UNC13A: variants seen among roughly 807,000 people sequenced by gnomAD.
UNC13A encodes unc-13 homolog A, also known as protein unc-13 homolog A.
A neutral mutation model predicts 219.7 loss-of-function variants in UNC13A; 61 were observed. The observed-to-expected ratio is 0.28, with a 90% confidence interval of 0.23 to 0.34. UNC13A has a LOEUF of 0.34. Ranked by LOEUF, UNC13A falls within the 10% of genes least tolerant of loss-of-function variation. The pLI, the probability that UNC13A is intolerant of heterozygous loss-of-function variation, is 1.00. For synonymous variants in UNC13A, 920 were observed against 884.6 expected (o/e 1.04, Z -0.71); for missense variants, 1,476 against 2,270.3 (o/e 0.65, Z 7.11).
chr19:17,658,320 T>C, intron 8 of UNC13A, 51 bp from the exon 9 acceptor site: 1 of 1,537,626 alleles, frequency 6.5e-7, no homozygotes, highest in Non-Finnish European at 8.9e-7. Context: ...AGAGTGCACA[T>C]GATGGGAGCC....
intron 41 of UNC13A, chr19:17,616,576 G>C: frequency 1.9e-6 from 1 of 529,596 alleles, no homozygotes; most frequent in South Asian, 2.4e-5. Context: ...GGGCAGGGGA[G>C]GCGCGGAGAG....
intron 37 of UNC13A, 105 bp downstream of exon 37, chr19:17,621,727 C>A: frequency 8.2e-7 from 1 of 1,216,600 alleles, no homozygotes; most frequent in Non-Finnish European, 1.2e-6. Context: ...CTCCTACCCA[C>A]GACCCCCAGC....
intron 36 of UNC13A, among the ~76,000 whole-genome samples, 197 bp from the exon 37 acceptor site, chr19:17,622,067 C>G (rs538434778): frequency 6.6e-6 from 1 of 152,074 alleles, no homozygotes; most frequent in South Asian, 2.1e-4. Flanking sequence ...GTGACTCACT[C>G]TTAAATGGTG....
At chr19:17,657,210 C>G (rs1010084115) in intron 9 of UNC13A, among the ~76,000 whole-genome samples, 4 of 152,134 alleles carry the variant, frequency 2.6e-5, no homozygotes, top group African/African-American at 4.8e-5. Context: ...CCCATACGCT[C>G]CAAACTCCCC....
intron 9 of UNC13A, 90 bp from the exon 10 acceptor site, chr19:17,656,488 T>C (rs764151533): frequency 7.7e-7 from 1 of 1,290,932 alleles, no homozygotes; most frequent in Non-Finnish European, 1.0e-6. Context: ...CATCACCGAC[T>C]GAGCACCTAC....
intron 41 of UNC13A, among the ~76,000 whole-genome samples, chr19:17,614,814 A>G (rs1444257488): frequency 6.6e-6 from 1 of 151,814 alleles, no homozygotes; most frequent in Non-Finnish European, 1.5e-5. Context: ...CACCAGTCAC[A>G]TGCTCAGCCG....
At chr19:17,621,761 G>T in intron 37 of UNC13A, 71 bp downstream of exon 37, 1 of 1,544,898 alleles carries the variant, frequency 6.5e-7, no homozygotes, top group Non-Finnish European at 8.9e-7. Context: ...CAGGTGCACA[G>T]ACGCACACAC....
At chr19:17,632,693 C>G in intron 28 of UNC13A, 89 bp downstream of exon 28, 1 of 1,592,636 alleles carries the variant, frequency 6.3e-7, no homozygotes, top group South Asian at 1.1e-5. Flanking sequence ...CCAGGTAACC[C>G]TAAGTAGGTC....
At chr19:17,634,577 T>C (rs2076893035) in intron 26 of UNC13A, among the ~76,000 whole-genome samples, 1 of 152,174 alleles carries the variant, frequency 6.6e-6, no homozygotes, top group Non-Finnish European at 1.5e-5. Flanking sequence ...TGACCTCAGG[T>C]GATCCTCCCG....
Position 17,616,258 on chromosome 19 carries a change from C to T in UNC13A, c.4558+1444G>A, listed in dbSNP as rs115896112. Reference sequence around the variant, plus strand: ...ACCAGCAAATCGTCCTTCCCCCTCACCCGCCTGGGCCCTCCAAGCCGCTCA... The same window carrying T: ...ACCAGCAAATCGTCCTTCCCCCTCATCCGCCTGGGCCCTCCAAGCCGCTCA... On this transcript the variant is annotated intron_variant, in intron 41 of 43. Coordinates refer to ENST00000519716, the MANE Select transcript of UNC13A (RefSeq NM_001080421.3). 2.8e-3 allele frequency: 1,374 copies of T among 487,260 alleles called. 17 individuals carry two copies. The highest frequency in any genetic ancestry group is 0.025 in the African/African-American group (1,228 of 49,380). 30.2% of individuals were successfully genotyped at this position (487,260 alleles called of 1,614,324 possible).
intron 23 of UNC13A, 114 bp from the exon 24 acceptor site, chr19:17,639,639 G>A: frequency 8.0e-7 from 1 of 1,249,522 alleles, no homozygotes. Context: ...GTTGATTAGA[G>A]CACCTCGAAG....
rs2076483747 is a variant in UNC13A at position 17,603,134 on chromosome 19, TG to T, written c.*2919del. 6.6e-6 allele frequency: 1 copy of T among 152,222 alleles called. No individual in the cohort carries two copies. The highest frequency in any genetic ancestry group is 2.1e-4 in the South Asian group (1 of 4,828). The allele number at this position is 152,222 out of a possible 1,614,324, so 9.4% of individuals were successfully genotyped here. The stretch of plus-strand genomic sequence containing the variant: ...GGAAATTGCAAAAACAGTTCTAGCC[TG>T]GGAGTCAGGAAAACTCATTCAACAA... On this transcript the variant is annotated 3_prime_UTR_variant, in exon 44 of 44. Coordinates refer to ENST00000519716, the MANE Select transcript of UNC13A (RefSeq NM_001080421.3).
intron 43 of UNC13A, among the ~76,000 whole-genome samples, chr19:17,609,657 T>C (rs2076580720): frequency 6.6e-6 from 1 of 152,056 alleles, no homozygotes. Context: ...TGCCCAGACT[T>C]TCCCTCCCCT....
rs1280940554 is a variant in UNC13A, at chr19:17,604,617, G to C, written c.*1437C>G. The C allele has an allele frequency of 6.6e-6, 1 of 152,328 alleles. No homozygotes were observed. Among genetic ancestry groups the C allele is most frequent in the African/African-American group, 2.4e-5 (1 of 41,432 alleles). The allele number at this position is 152,328 out of a possible 1,614,324, so 9.4% of individuals were successfully genotyped here. ...AAATCTTGTCCTTCCCAATCCAGCA[G>C]AAAAAGGCGTGCCATACACACATGT... is the stretch of plus-strand genomic sequence containing the variant. On this transcript the variant is annotated 3_prime_UTR_variant, in exon 44 of 44. Coordinates refer to ENST00000519716, the MANE Select transcript of UNC13A (RefSeq NM_001080421.3).
Position 17,649,258 on chromosome 19 carries a change from A to G in UNC13A, c.1524+81T>C. ...ACATGGCAAGGTTCCCCCATAATCC[A>G]TGAATTGGGGGCCTGTTAGAAGATC... On this transcript the variant is annotated intron_variant, in intron 14 of 43. Coordinates refer to ENST00000519716, the MANE Select transcript of UNC13A (RefSeq NM_001080421.3). This position sits in a 1 kb window ranked among gnomAD's most constrained non-coding sequence, Gnocchi z 4.4. The G allele has an allele frequency of 3.9e-6, 6 of 1,533,642 alleles. No homozygotes were observed. Among genetic ancestry groups the G allele is most frequent in the Non-Finnish European group, 5.2e-6 (6 of 1,143,172 alleles).
intron 4 of UNC13A, 55 bp downstream of exon 4, chr19:17,672,323 C>G (rs1343453697): frequency 5.6e-6 from 8 of 1,427,514 alleles, no homozygotes; most frequent in Non-Finnish European, 5.9e-6. Flanking sequence ...CCACTGGTCT[C>G]TGGGCTTCTG....
At chr19:17,617,574 G>C (rs2076680045) in intron 41 of UNC13A, 128 bp downstream of exon 41, 1 of 1,359,160 alleles carries the variant, frequency 7.4e-7, no homozygotes, top group African/African-American at 1.5e-5. Context: ...CCCTGGACTT[G>C]GTGCAGAGAT....
intron 43 of UNC13A, 50 bp from the exon 44 acceptor site, chr19:17,606,404 C>G (rs1165827502): frequency 1.3e-6 from 2 of 1,525,594 alleles, no homozygotes; most frequent in Admixed American, 4.0e-5. Context: ...ACTGTGATGC[C>G]CCGCCCACGG....
At position 17,640,646 on chromosome 19, in the gene UNC13A, G is replaced by C; in HGVS notation, c.2652C>G (p.Leu884=). 1 of 1,590,992 alleles carries C rather than the reference G, an allele frequency of 6.3e-7. No homozygotes were observed. Among genetic ancestry groups the C allele is most frequent in the South Asian group, 1.2e-5 (1 of 86,724 alleles). ...IYQAMTHFAC[L]SSKYMCPGVP... ...CCCCTGGGCACATATACTTGGAGGA[G>C]AGGCAGGCAAAGTGGCTGGAGAGAG... The change falls in exon 22 of 44, where the codon CTC becomes CTG. Residue 884 remains leucine, a synonymous_variant. Transcript: ENST00000519716.
Sources: gnomAD v4.1 joint callset for allele counts (sites outside exome capture counted in the v4.1 genomes callset) on GRCh38, gnomAD v4.1.1 for gene constraint, Gnocchi (gnomAD v3.1) non-coding constraint, MANE v1.5 for transcripts, NCBI Gene and HGNC (gene_info 2026-07-23, HGNC 2026-07-21) for gene names.